Variants in NXN observed in about 807,000 individuals in gnomAD.
NXN encodes the protein nucleoredoxin, also known as nucleoredoxin 1.
A neutral mutation model predicts 48.6 loss-of-function variants in NXN; 16 were observed. The ratio of observed to expected loss-of-function variants is 0.33; its 90% CI spans 0.22 to 0.50. The LOEUF is 0.50. Ranked by LOEUF, NXN falls within the 20% of genes least tolerant of loss-of-function variation. The pLI is 0.98. For missense variants in NXN, 492 were observed against 605.5 expected, an observed-to-expected ratio of 0.81 and a Z score of 1.97; for synonymous variants, 281 against 269.6, an observed-to-expected ratio of 1.04 and a Z score of -0.41.
intron 1 of NXN, among the ~76,000 whole-genome samples, chr17:896,125 A>C (rs1808693493): frequency 6.6e-6 from 1 of 151,964 alleles, no homozygotes; most frequent in Non-Finnish European, 1.5e-5. Flanking sequence ...GGATCACCTG[A>C]GGTCGGGAGT....
intron 1 of NXN, among the ~76,000 whole-genome samples, chr17:925,884 C>T (rs918821308): frequency 3.3e-5 from 5 of 152,214 alleles, no homozygotes; most frequent in African/African-American, 1.2e-4. Flanking sequence ...GTCATCATTC[C>T]AGTCTTTAGT....
intron 1 of NXN, among the ~76,000 whole-genome samples, chr17:927,368 G>A (rs1325906373): frequency 2.0e-5 from 3 of 151,984 alleles, no homozygotes; most frequent in South Asian, 4.2e-4. Context: ...CAGCACTTTG[G>A]GAGGCCAGGG....
Position 803,711 on chromosome 17 carries a change from C to T in NXN, c.1096G>A (p.Ala366Thr). The change falls in exon 7 of 8, where the codon GCA (alanine) becomes ACA (threonine). Residue 366 changes from alanine (A) to threonine (T), a missense_variant. Physicochemically the swap from Ala to Thr is moderately conservative, Grantham distance 58 (BLOSUM62 0). Transcript: ENST00000336868. ...IAKYKAKEEE[A>T]PLLFFVAGED... is the part of the protein sequence containing the mutation. ...CCGGCTACGAAGAACAGAAGGGGTG[C>T]CTCCTCCTCTTTGGCTTTGTACTTG... 6.2e-7 allele frequency: 1 copy of T among 1,614,246 alleles called. No individual in the cohort carries two copies. Among genetic ancestry groups the T allele is most frequent in the Non-Finnish European group, 8.5e-7 (1 of 1,180,048 alleles).
At chr17:971,642 G>A (rs550686078) in intron 1 of NXN, among the ~76,000 whole-genome samples, 166 of 151,982 alleles carry the variant, frequency 1.1e-3, no homozygotes, top group African/African-American at 3.8e-3. Context: ...CCGGGAAGGC[G>A]GAGCTGGCAG....
At chr17:842,629 A>G in intron 1 of NXN, 1 of 933,604 alleles carries the variant, frequency 1.1e-6, no homozygotes, top group Non-Finnish European at 1.3e-6. Flanking sequence ...TGGCTACTAA[A>G]CTTCCGTTCA....
At chr17:876,946 G>T (rs1273653488) in intron 1 of NXN, among the ~76,000 whole-genome samples, 2 of 151,976 alleles carry the variant, frequency 1.3e-5, no homozygotes, top group Non-Finnish European at 2.9e-5. Flanking sequence ...TACTCAGGAA[G>T]CTGAGGCAGG....
chr17:971,552 C>G (rs2069378516), intron 1 of NXN, among the ~76,000 whole-genome samples: 1 of 150,116 alleles, frequency 6.7e-6, no homozygotes, highest in Non-Finnish European at 1.5e-5. Context: ...CTACTAAAAA[C>G]ACAAAAAATT....
At chr17:882,400 A>G (rs1346177376) in intron 1 of NXN, among the ~76,000 whole-genome samples, 2 of 152,182 alleles carry the variant, frequency 1.3e-5, no homozygotes, top group African/African-American at 4.8e-5. Flanking sequence ...ACAGCTCCTG[A>G]ATGAGGCGGA....
chr17:819,711 C>A (rs1276367028), intron 4 of NXN, among the ~76,000 whole-genome samples, 166 bp from the exon 5 acceptor site: 2 of 152,190 alleles, frequency 1.3e-5, no homozygotes, highest in African/African-American at 2.4e-5. Context: ...TCTACCCCGG[C>A]TGGTGTCCAC....
chr17:970,273 A>T (rs1240089664), intron 1 of NXN, among the ~76,000 whole-genome samples: 4 of 152,164 alleles, frequency 2.6e-5, no homozygotes, highest in Non-Finnish European at 5.9e-5. Flanking sequence ...CAGTTTCTGC[A>T]AACCTCATAA....
intron 1 of NXN, among the ~76,000 whole-genome samples, chr17:872,411 G>C (rs947318897): frequency 6.6e-6 from 1 of 151,662 alleles, no homozygotes; most frequent in African/African-American, 2.4e-5. Context: ...CAACGACAAG[G>C]AGACAGAGGA....
intron 1 of NXN, among the ~76,000 whole-genome samples, chr17:883,114 G>C (rs490936): frequency 0.1 from 15,648 of 152,108 alleles, 1,000 homozygotes; most frequent in South Asian, 0.22. Flanking sequence ...TAGCTACTTG[G>C]GGAAGGCTAC....
intron 1 of NXN, among the ~76,000 whole-genome samples, chr17:865,948 A>G (rs1181178384): frequency 6.6e-6 from 1 of 151,710 alleles, no homozygotes; most frequent in Non-Finnish European, 1.5e-5. Context: ...GCGGCATTGC[A>G]CTCCAGCCTG....
At chr17:971,816 A>G (rs1322406800) in intron 1 of NXN, among the ~76,000 whole-genome samples, 1 of 152,208 alleles carries the variant, frequency 6.6e-6, no homozygotes, top group African/African-American at 2.4e-5. Context: ...AACACAGAAA[A>G]CTAAGCACCT....
chr17:923,182 C>T (rs142588200), intron 1 of NXN, among the ~76,000 whole-genome samples: 114 of 152,176 alleles, frequency 7.5e-4, no homozygotes, highest in Non-Finnish European at 1.1e-3. Flanking sequence ...ACCTGGAATC[C>T]CGACACTTTG....
chr17:914,492 C>G (rs544502309), intron 1 of NXN, among the ~76,000 whole-genome samples: 8 of 152,008 alleles, frequency 5.3e-5, no homozygotes, highest in African/African-American at 1.9e-4. Flanking sequence ...CTTTTTAAGG[C>G]GAGAAGTATG....
At chr17:826,954 G>A (rs1404569914) in intron 1 of NXN, among the ~76,000 whole-genome samples, 2 of 152,240 alleles carry the variant, frequency 1.3e-5, no homozygotes, top group African/African-American at 4.8e-5. Context: ...GTTCGCCATC[G>A]GGGTGAAGCC....
intron 1 of NXN, among the ~76,000 whole-genome samples, chr17:831,197 C>A (rs1913445446): frequency 6.6e-6 from 1 of 151,888 alleles, no homozygotes; most frequent in Non-Finnish European, 1.5e-5. Flanking sequence ...CCGTGGATCA[C>A]ACCTGTAATC....
intron 1 of NXN, among the ~76,000 whole-genome samples, chr17:915,860 C>T (rs2068683718): frequency 6.6e-6 from 1 of 152,194 alleles, no homozygotes; most frequent in Non-Finnish European, 1.5e-5. Context: ...TGGGCGGCCA[C>T]TTATGGTGTC....
Sources: allele counts gnomAD v4.1 joint callset (sites outside exome capture counted in the v4.1 genomes callset), GRCh38; gene constraint gnomAD v4.1.1; transcripts MANE v1.5; gene names NCBI Gene and HGNC (gene_info 2026-07-23, HGNC 2026-07-21).